PYGO1: variants seen among roughly 807,000 people sequenced by gnomAD.
The protein encoded by PYGO1 is pygopus family PHD finger 1.
Under a neutral mutation model 29.5 loss-of-function variants are expected in PYGO1, and 6 were observed. That is an observed-to-expected ratio of 0.20 (90% CI 0.11 to 0.40). PYGO1 has a LOEUF of 0.40. PYGO1 is among the 10% of genes least tolerant of loss of function. PYGO1 has a pLI of 1.00. For synonymous variants in PYGO1, 186 were observed against 180.5 expected (o/e 1.03, Z -0.24); for missense variants, 515 against 514.9 (o/e 1.00, Z 0.00).
At chr15:55,588,703 G>A (rs2059061510), upstream of PYGO1, 1 of 1,344,386 alleles carries the variant, frequency 7.4e-7, no homozygotes, top group Non-Finnish European at 1.0e-6. Flanking sequence ...CGACGCTACC[G>A]GGCCCAGCTT....
At position 55,553,039 on chromosome 15, in the gene PYGO1, A is replaced by G. The variant is rs1225687435; in HGVS notation, c.50-4044T>C. Among the ~76,000 whole-genome samples, 4 of 152,194 alleles carry G rather than the reference A, an allele frequency of 2.6e-5. No homozygotes were observed. The East Asian group carries it at 7.7e-4, about 29-fold the overall frequency. ...TGGCCGCCATCTCTGCAGTTGACTC[A>G]GCTGTTCTAGCCTGCTGGCACTGGG... On this transcript the variant is annotated intron_variant, in intron 1 of 2. Coordinates refer to ENST00000563719, the MANE Select transcript of PYGO1 (RefSeq NM_001367806.1).
chr15:55,583,502 A>ATT (rs35020005), intron 1 of PYGO1, among the ~76,000 whole-genome samples: 5 of 151,336 alleles, frequency 3.3e-5, no homozygotes, highest in Admixed American at 1.3e-4. Context: ...CTTTTACCAC[A>ATT]TTTTTTTGTT....
intron 1 of PYGO1, among the ~76,000 whole-genome samples, chr15:55,550,650 C>T (rs557871815): frequency 1.7e-3 from 255 of 152,326 alleles, no homozygotes; most frequent in Non-Finnish European, 2.9e-3. Flanking sequence ...CCTGCAGTCA[C>T]TGTCCATGCT....
rs1045965174 is a variant in PYGO1 at position 55,546,490 on chromosome 15, T to A, written c.793A>T (p.Thr265Ser). 2 of 1,614,064 alleles carry A rather than the reference T, an allele frequency of 1.2e-6. No homozygotes were observed. The highest frequency in any genetic ancestry group is 2.7e-5 in the African/African-American group (2 of 74,936). ...AATTCAATATTACTCTGATTCACTG[T>A]GTCATCCATATTCAAGTGAGGTGGA... is the stretch of plus-strand genomic sequence containing the variant. Reference protein sequence around the residue: ...AHPPHLNMDDTVNQSNIELKN... With the variant: ...AHPPHLNMDDSVNQSNIELKN... Residue 265 changes from threonine (T) to serine (S), a missense_variant, in exon 3 of 3, where the codon ACA becomes TCA. Coordinates refer to ENST00000563719, the MANE Select transcript of PYGO1 (RefSeq NM_001367806.1).
chr15:55,579,134 A>G (rs543739015), intron 1 of PYGO1, among the ~76,000 whole-genome samples: 57 of 152,320 alleles, frequency 3.7e-4, no homozygotes, highest in African/African-American at 1.0e-3. Flanking sequence ...GTTTAAATAA[A>G]CCTATTACCA....
chr15:55,579,043 C>A (rs926174064), intron 1 of PYGO1, among the ~76,000 whole-genome samples: 5 of 152,096 alleles, frequency 3.3e-5, no homozygotes, highest in Non-Finnish European at 7.4e-5. Context: ...ATGTTATAAT[C>A]CCACTTGGGA....
chr15:55,572,164 C>A (rs189065710), intron 1 of PYGO1, among the ~76,000 whole-genome samples: 6 of 152,294 alleles, frequency 3.9e-5, no homozygotes, highest in African/African-American at 1.4e-4. Context: ...TGATTTCATA[C>A]TATATGACAA....
intron 1 of PYGO1, among the ~76,000 whole-genome samples, chr15:55,552,093 A>G (rs1299101404): frequency 6.6e-6 from 1 of 152,056 alleles, no homozygotes; most frequent in East Asian, 1.9e-4. Flanking sequence ...AGTGGCTCAC[A>G]CCGGTAATCC....
intron 1 of PYGO1, among the ~76,000 whole-genome samples, chr15:55,582,706 A>G (rs1335152499): frequency 6.6e-6 from 1 of 152,196 alleles, no homozygotes; most frequent in Non-Finnish European, 1.5e-5. Flanking sequence ...TATACACTGG[A>G]ATATCCCAGG....
chr15:55,581,774 A>G (rs368448896), intron 1 of PYGO1, among the ~76,000 whole-genome samples: 1 of 151,992 alleles, frequency 6.6e-6, no homozygotes, highest in Non-Finnish European at 1.5e-5. Context: ...CACTATCAGT[A>G]GCAATGTGGA....
intron 1 of PYGO1, among the ~76,000 whole-genome samples, chr15:55,550,129 C>T (rs960820535): frequency 1.6e-4 from 25 of 152,244 alleles, no homozygotes; most frequent in African/African-American, 5.8e-4. Flanking sequence ...AGATTGGGAT[C>T]CAAATATGTT....
intron 1 of PYGO1, among the ~76,000 whole-genome samples, chr15:55,583,110 C>A (rs983643467): frequency 2.0e-5 from 3 of 152,130 alleles, no homozygotes; most frequent in African/African-American, 7.2e-5. Context: ...CTCTTTTTCT[C>A]CAAGACTAAA....
chr15:55,563,652 A>C (rs1321449993), intron 1 of PYGO1, among the ~76,000 whole-genome samples: 1 of 152,132 alleles, frequency 6.6e-6, no homozygotes, highest in African/African-American at 2.4e-5. Context: ...GTCCAGCCAC[A>C]AATAAATTCT....
chr15:55,581,148 A>C (rs2059023408), intron 1 of PYGO1, among the ~76,000 whole-genome samples: 2 of 152,304 alleles, frequency 1.3e-5, no homozygotes, highest in Middle Eastern at 3.4e-3. Context: ...ACTCCCACCT[A>C]ATCTTGGCTG....
chr15:55,550,427 T>C (rs995380782), intron 1 of PYGO1, among the ~76,000 whole-genome samples: 1 of 152,088 alleles, frequency 6.6e-6, no homozygotes, highest in Non-Finnish European at 1.5e-5. Flanking sequence ...ATCTCTATCA[T>C]CCCAACAGGC....
Position 55,557,975 on chromosome 15 carries a change from A to T in PYGO1, c.50-8980T>A, listed in dbSNP as rs181457141. ...TCTTACCACTCCTATTCAACACAGC[A>T]TAGTGTTGGAAGTTCTGGCCAGGGC... On this transcript the variant is annotated intron_variant, in intron 1 of 2. Coordinates refer to ENST00000563719, the MANE Select transcript of PYGO1 (RefSeq NM_001367806.1). Among the ~76,000 whole-genome samples, 357 of 152,302 alleles carry T rather than the reference A, an allele frequency of 2.3e-3. 3 individuals carry two copies. Among genetic ancestry groups the T allele is most frequent in the African/African-American group, 8.2e-3 (339 of 41,552 alleles).
intron 1 of PYGO1, among the ~76,000 whole-genome samples, chr15:55,563,465 C>T (rs914122316): frequency 2.0e-5 from 3 of 148,474 alleles, no homozygotes; most frequent in African/African-American, 7.4e-5. Context: ...ATCCTGGGTT[C>T]ACGTGATTCT....
Position 55,539,815 on chromosome 15 carries a change from G to C in PYGO1, c.*6208C>G, listed in dbSNP as rs1283170486. 1.3e-5 allele frequency: 2 copies of C among 152,018 alleles called. No individual in the cohort carries two copies. Among genetic ancestry groups the C allele is most frequent in the African/African-American group, 4.8e-5 (2 of 41,440 alleles). 9.4% of individuals were successfully genotyped at this position (152,018 alleles called of 1,614,324 possible). On this transcript the variant is annotated 3_prime_UTR_variant, in exon 3 of 3. Transcript: ENST00000563719. The stretch of plus-strand genomic sequence containing the variant: ...CCATAACCATGCCGAATATGATGCA[G>C]TATAGAGATATCATTAACATAACAT...
rs2058834333 is a variant in PYGO1 at position 55,542,970 on chromosome 15, A to AAC, written c.*3052_*3053insGT. ...AACAAAACAAAAAAAACAAAAAAAA[A>AAC]CCCACCTTTCTGTCAATAACCTAGC... On this transcript the variant is annotated 3_prime_UTR_variant, in exon 3 of 3. Coordinates refer to ENST00000563719, the MANE Select transcript of PYGO1 (RefSeq NM_001367806.1). 2 of 151,804 alleles carry AAC rather than the reference A, an allele frequency of 1.3e-5. No individual in the cohort carries two copies. Among genetic ancestry groups the AAC allele is most frequent in the African/African-American group, 4.8e-5 (2 of 41,278 alleles). 9.4% of individuals were successfully genotyped at this position (151,804 alleles called of 1,614,324 possible).
Sources: gnomAD v4.1 joint callset for allele counts (sites outside exome capture counted in the v4.1 genomes callset) on GRCh38, gnomAD v4.1.1 for gene constraint, MANE v1.5 for transcripts, NCBI Gene and HGNC (gene_info 2026-07-23, HGNC 2026-07-21) for gene names.